The following SMAD6 variants were observed in gnomAD, a reference collection of about 807,000 sequenced individuals.
SMAD6 encodes the protein MAD homolog 6.
Under a neutral mutation model 39.4 loss-of-function variants are expected in SMAD6, and 103 were observed. The ratio of observed to expected loss-of-function variants is 2.62; its 90% CI spans 2.23 to 3.08. The LOEUF (loss-of-function observed/expected upper bound fraction) is 3.08. SMAD6 is among the 30% of genes most tolerant of loss of function. The probability of loss-of-function intolerance (pLI) is 0.00; values close to 1 mark genes in which losing one functional copy is unlikely to be tolerated. For synonymous variants in SMAD6, 445 were observed against 353.3 expected, an observed-to-expected ratio of 1.26 and a Z score of -2.91; for missense variants, 1,104 against 742.9, an observed-to-expected ratio of 1.49 and a Z score of -5.65.
chr15:66,758,233 C>G (rs1352937506), intron 3 of SMAD6, among the ~76,000 whole-genome samples: 1 of 152,184 alleles, frequency 6.6e-6, no homozygotes, highest in Non-Finnish European at 1.5e-5. Context: ...GTGACATTCT[C>G]TCTATATAGA....
In SMAD6 at chr15:66,703,613, A is replaced by G. The variant is rs1318281588; in HGVS notation, c.355A>G (p.Ser119Gly). 16 of 1,229,364 alleles carry G rather than the reference A, an allele frequency of 1.3e-5. No individual in the cohort carries two copies. The highest frequency in any genetic ancestry group is 1.4e-5 in the Non-Finnish European group (14 of 983,516). 76.2% of individuals were successfully genotyped at this position (1,229,364 alleles called of 1,614,324 possible). The change falls in exon 1 of 4, where the codon AGT (serine) becomes GGT (glycine). Residue 119 changes from serine (S) to glycine (G), a missense_variant. Coordinates refer to ENST00000288840, the MANE Select transcript of SMAD6 (RefSeq NM_005585.5). ...EPGGPGWLPE[S>G]DCETVTCCLF... ...GGGAGGCCCGGGCTGGCTGCCCGAGAGTGACTGCGAGACGGTGACCTGCTG... is the reference window on the plus strand; with the variant it reads ...GGGAGGCCCGGGCTGGCTGCCCGAGGGTGACTGCGAGACGGTGACCTGCTG...
chr15:66,728,638 C>A, intron 3 of SMAD6, among the ~76,000 whole-genome samples: 1 of 152,140 alleles, frequency 6.6e-6, no homozygotes, highest in Non-Finnish European at 1.5e-5. Flanking sequence ...AACTCCTGAC[C>A]TCGTGATCTG....
chr15:66,741,809 T>G (rs1213171364), intron 3 of SMAD6, among the ~76,000 whole-genome samples: 3 of 152,180 alleles, frequency 2.0e-5, no homozygotes, highest in African/African-American at 7.2e-5. Flanking sequence ...CCCGAGAGAT[T>G]CCAATTGCTG....
intron 3 of SMAD6, among the ~76,000 whole-genome samples, chr15:66,724,807 G>A (rs1021364949): frequency 6.6e-6 from 1 of 152,054 alleles, no homozygotes; most frequent in African/African-American, 2.4e-5. Flanking sequence ...TGGCAGGTGG[G>A]TGGGTTTCTG....
intron 3 of SMAD6, among the ~76,000 whole-genome samples, chr15:66,744,161 T>TA (rs1327223652): frequency 6.6e-6 from 1 of 152,136 alleles, no homozygotes; most frequent in Non-Finnish European, 1.5e-5. Context: ...CGGGATCCTG[T>TA]AACTCACAAC....
rs563235759 is a variant in SMAD6, at chr15:66,755,355, G to A, written c.953-25642G>A. Among the ~76,000 whole-genome samples, 37 of 152,350 alleles carry A rather than the reference G, an allele frequency of 2.4e-4. 1 individual carries two copies. The South Asian group carries it at 7.4e-3, about 31-fold the overall frequency. On this transcript the variant is annotated intron_variant, in intron 3 of 3. Transcript: ENST00000288840. ...GGCTTTACATTGATCTTTTTTAGAT[G>A]TGGGGGTTAACAGTAAGATTCTTTA...
At chr15:66,757,129 T>C (rs1894114390) in intron 3 of SMAD6, among the ~76,000 whole-genome samples, 1 of 152,184 alleles carries the variant, frequency 6.6e-6, no homozygotes, top group Non-Finnish European at 1.5e-5. Flanking sequence ...GTGATAGTCC[T>C]CGTCTCCCGT....
chr15:66,764,067 T>A (rs773281350), intron 3 of SMAD6, among the ~76,000 whole-genome samples: 21 of 152,010 alleles, frequency 1.4e-4, no homozygotes, highest in Admixed American at 3.3e-4. Flanking sequence ...GCTGAGTGAG[T>A]GGTGGGTGAT....
chr15:66,732,386 C>G (rs925035210), intron 3 of SMAD6, among the ~76,000 whole-genome samples: 2 of 152,120 alleles, frequency 1.3e-5, no homozygotes, highest in Non-Finnish European at 2.9e-5. Context: ...GCGTCTCACT[C>G]TGTCACCCAG....
intron 3 of SMAD6, among the ~76,000 whole-genome samples, chr15:66,749,830 C>T (rs946929491): frequency 3.3e-5 from 5 of 152,112 alleles, no homozygotes; most frequent in Non-Finnish European, 4.4e-5. Flanking sequence ...CCAGGTGGCA[C>T]CCCCTTTTGT....
chr15:66,718,976 A>G (rs1439656182), intron 3 of SMAD6, among the ~76,000 whole-genome samples: 1 of 152,174 alleles, frequency 6.6e-6, no homozygotes, highest in Non-Finnish European at 1.5e-5. Context: ...TCTAAGGACA[A>G]ATAATGATGA....
chr15:66,730,218 T>C (rs967682296), intron 3 of SMAD6, among the ~76,000 whole-genome samples: 1 of 152,162 alleles, frequency 6.6e-6, no homozygotes, highest in African/African-American at 2.4e-5. Flanking sequence ...CAGGGATGGA[T>C]GGAGGGATAG....
At chr15:66,760,442 T>C (rs143218137) in intron 3 of SMAD6, among the ~76,000 whole-genome samples, 4 of 152,314 alleles carry the variant, frequency 2.6e-5, no homozygotes, top group African/African-American at 7.2e-5. Flanking sequence ...AGAACATCTA[T>C]GTTGTAGGGT....
chr15:66,782,810 G>T lies in SMAD6; in HGVS notation c.*1275G>T, dbSNP rs1018662238. On this transcript the variant is annotated 3_prime_UTR_variant, in exon 4 of 4. Coordinates refer to ENST00000288840, the MANE Select transcript of SMAD6 (RefSeq NM_005585.5). Reference sequence around the variant, plus strand: ...TATTAAGTGCTCTGAGAAGTCCTGTGTATTATCTCTTGCTGCATAATAAAT... The same window carrying T: ...TATTAAGTGCTCTGAGAAGTCCTGTTTATTATCTCTTGCTGCATAATAAAT... 4 of 152,232 alleles carry T rather than the reference G, an allele frequency of 2.6e-5. No homozygotes were observed. Among genetic ancestry groups the T allele is most frequent in the Non-Finnish European group, 5.9e-5 (4 of 68,038 alleles). The allele number at this position is 152,232 out of a possible 1,614,324, so 9.4% of individuals were successfully genotyped here. A position where few individuals can be genotyped will look rare whatever the true frequency, so the allele number is the denominator to read the frequency against.
intron 1 of SMAD6, chr15:66,704,288 C>T (rs1893060200): frequency 2.6e-6 from 1 of 391,224 alleles, no homozygotes; most frequent in East Asian, 3.7e-5. Context: ...CTCAAGGCTC[C>T]GGTAAACTTA....
intron 3 of SMAD6, chr15:66,740,630 C>G (rs1296886540): frequency 1.3e-5 from 2 of 152,104 alleles, no homozygotes; most frequent in Non-Finnish European, 2.9e-5. Context: ...ATGCCAGGTG[C>G]TGAGTACTGT....
intron 3 of SMAD6, among the ~76,000 whole-genome samples, chr15:66,736,717 A>G (rs1161848642): frequency 1.3e-5 from 2 of 149,608 alleles, no homozygotes; most frequent in Admixed American, 1.3e-4. Flanking sequence ...ACCAGAGCGG[A>G]GTGTAGTGGT....
In SMAD6 at chr15:66,703,730, A is replaced by G. The variant is rs1327929414; in HGVS notation, c.472A>G (p.Ser158Gly). 29 of 1,359,998 alleles carry G rather than the reference A, an allele frequency of 2.1e-5. No homozygotes were observed. The highest frequency in any genetic ancestry group is 2.6e-5 in the Non-Finnish European group (27 of 1,043,366). 84.2% of individuals were successfully genotyped at this position (1,359,998 alleles called of 1,614,324 possible). The part of the protein sequence containing the change: ...AALEPAGGGR[S>G]REARSRLLLL... ...CCTGGAGCCGGCGGGCGGCGGGCGG[A>G]GTCGCGAAGCGCGCTCGCGGCTGCT... The change falls in exon 1 of 4, where the codon AGT becomes GGT. Residue 158 changes from serine to glycine, a missense_variant. Transcript: ENST00000288840.
In SMAD6 at chr15:66,703,614, G is replaced by GT. The variant is rs1893031464; in HGVS notation, c.357dup (p.Asp120Ter). On this transcript the variant is annotated frameshift_variant, in exon 1 of 4. Coordinates refer to ENST00000288840, the MANE Select transcript of SMAD6 (RefSeq NM_005585.5). LOFTEE classifies it high-confidence loss of function. ...GGAGGCCCGGGCTGGCTGCCCGAGA[G>GT]TGACTGCGAGACGGTGACCTGCTGT... 1 of 1,230,568 alleles carries GT rather than the reference G, an allele frequency of 8.1e-7. No individual in the cohort carries two copies. Among genetic ancestry groups the GT allele is most frequent in the Non-Finnish European group, 1.0e-6 (1 of 984,130 alleles). 76.2% of individuals were successfully genotyped at this position (1,230,568 alleles called of 1,614,324 possible).
Sources: allele counts gnomAD v4.1 joint callset (sites outside exome capture counted in the v4.1 genomes callset), GRCh38; gene constraint gnomAD v4.1.1; transcripts MANE v1.5; gene names NCBI Gene and HGNC (gene_info 2026-07-23, HGNC 2026-07-21).